CAMTA1: variants seen among roughly 807,000 people sequenced by gnomAD.
CAMTA1 encodes calmodulin binding transcription activator 1, also known as calmodulin-binding transcription activator 1.
A neutral mutation model predicts 170.9 loss-of-function variants in CAMTA1; 27 were observed. The ratio of observed to expected loss-of-function variants is 0.16; its 90% confidence interval spans 0.12 to 0.22. CAMTA1 has a LOEUF of 0.22. Ranked by LOEUF, CAMTA1 falls within the 10% of genes least tolerant of loss-of-function variation. The pLI, the probability that CAMTA1 is intolerant of heterozygous loss-of-function variation, is 1.00. For missense variants in CAMTA1, 1,619 were observed against 2,217.2 expected, an observed-to-expected ratio of 0.73 and a Z score of 5.42; for synonymous variants, 833 against 891.5, an observed-to-expected ratio of 0.93 and a Z score of 1.17.
At chr1:7,739,693 C>G (rs2096797014) in intron 16 of CAMTA1, among the ~76,000 whole-genome samples, 1 of 152,172 alleles carries the variant, frequency 6.6e-6, no homozygotes, top group Admixed American at 6.5e-5. Flanking sequence ...ATCTCAAGAG[C>G]CTTCTTCACT....
At chr1:7,551,962 T>C (rs1435603922) in intron 6 of CAMTA1, among the ~76,000 whole-genome samples, 1 of 151,630 alleles carries the variant, frequency 6.6e-6, no homozygotes, top group East Asian at 1.9e-4. Context: ...GGATATGCAC[T>C]TTTTAAAATC....
intron 3 of CAMTA1, among the ~76,000 whole-genome samples, chr1:6,936,760 A>AGGT (rs1218383108): frequency 6.6e-6 from 1 of 152,138 alleles, no homozygotes; most frequent in African/African-American, 2.4e-5. Flanking sequence ...AGGCCGAGGC[A>AGGT]GGTGGATCAC....
At position 7,634,250 on chromosome 1, in the gene CAMTA1, A is replaced by C. The variant is rs975206079; in HGVS notation, c.511-6150A>C. Among the ~76,000 whole-genome samples, 61 of 151,956 alleles carry C rather than the reference A, an allele frequency of 4.0e-4. 1 individual carries two copies. The highest frequency in any genetic ancestry group is 9.8e-4 in the Admixed American group (15 of 15,276). ...TCATTGCAGGCAGGGGGTATATGGG[A>C]GGATTAGGCTTCCTGGGGTGGGAGA... On this transcript the variant is annotated intron_variant, in intron 6 of 22. Coordinates refer to ENST00000303635, the MANE Select transcript of CAMTA1 (RefSeq NM_015215.4). This position sits in a 1 kb window ranked among gnomAD's most constrained non-coding sequence, Gnocchi z 6.2.
At chr1:7,217,534 T>C (rs560635728) in intron 4 of CAMTA1, among the ~76,000 whole-genome samples, 1 of 152,302 alleles carries the variant, frequency 6.6e-6, no homozygotes, top group African/African-American at 2.4e-5. Flanking sequence ...CCAATATGTA[T>C]AATATCTTAT....
intron 6 of CAMTA1, among the ~76,000 whole-genome samples, chr1:7,477,915 C>T (rs534071422): frequency 2.6e-4 from 40 of 152,334 alleles, no homozygotes; most frequent in Middle Eastern, 3.4e-3. Flanking sequence ...CTCCTGGCCA[C>T]CTATGTGGGA....
chr1:6,956,456 T>C (rs1689476673), intron 3 of CAMTA1, among the ~76,000 whole-genome samples: 1 of 152,198 alleles, frequency 6.6e-6, no homozygotes, highest in Admixed American at 6.5e-5. Flanking sequence ...CTCTCTTGTT[T>C]ACCATTTGCT....
intron 5 of CAMTA1, among the ~76,000 whole-genome samples, chr1:7,347,545 G>C (rs562462545): frequency 6.7e-4 from 102 of 152,294 alleles, no homozygotes; most frequent in African/African-American, 2.4e-3. Flanking sequence ...CACTTGTATT[G>C]GTTTCCATAG....
At chr1:6,910,264 C>G (rs542090629) in intron 3 of CAMTA1, among the ~76,000 whole-genome samples, 1 of 152,200 alleles carries the variant, frequency 6.6e-6, no homozygotes, top group Non-Finnish European at 1.5e-5. Context: ...ATTCCAAAGC[C>G]TTCATGGGCT....
chr1:7,263,911 A>T lies in CAMTA1; in HGVS notation c.438+14285A>T, dbSNP rs7556024. On this transcript the variant is annotated intron_variant, in intron 5 of 22. Coordinates refer to ENST00000303635, the MANE Select transcript of CAMTA1 (RefSeq NM_015215.4). ...CATTTTGCTTAATTATACTTTCTTG[A>T]ATTTTTAATGCTCCTAATATGATAA... Among the ~76,000 whole-genome samples, 2 of 152,188 alleles carry T rather than the reference A, an allele frequency of 1.3e-5. 1 individual carries two copies.
intron 7 of CAMTA1, among the ~76,000 whole-genome samples, chr1:7,644,887 T>C (rs899601548): frequency 1.3e-5 from 2 of 152,232 alleles, no homozygotes; most frequent in Admixed American, 1.3e-4. Flanking sequence ...GGTGCCCCTG[T>C]GGGCTTCAGC....
intron 3 of CAMTA1, among the ~76,000 whole-genome samples, chr1:7,028,589 C>G (rs1329974790): frequency 2.0e-5 from 3 of 152,210 alleles, no homozygotes; most frequent in Non-Finnish European, 2.9e-5. Context: ...TGATGTTTCT[C>G]TGATCATCAT....
At chr1:6,955,080 T>G (rs1327225477) in intron 3 of CAMTA1, among the ~76,000 whole-genome samples, 1 of 152,048 alleles carries the variant, frequency 6.6e-6, no homozygotes, top group Non-Finnish European at 1.5e-5. Flanking sequence ...GTCTTCCACT[T>G]TCATTAGCCA....
rs1409521566 is a variant in CAMTA1, at chr1:7,744,972, G to A, written c.4320G>A (p.Leu1440=). The stretch of plus-strand genomic sequence containing the variant: ...CCATTAGCAGTACAATGAGCTGGCT[G>A]GCCAGTTATCTAGCGGATGCTGACT... ...PATISSTMSW[L]ASYLADADCL... is the part of the protein sequence containing the mutation. The change falls in exon 17 of 23, where the codon CTG becomes CTA. Residue 1440 remains leucine, a synonymous_variant. Coordinates refer to ENST00000303635, the MANE Select transcript of CAMTA1 (RefSeq NM_015215.4). 1.2e-6 allele frequency: 2 copies of A among 1,614,016 alleles called. No homozygotes were observed. The highest frequency in any genetic ancestry group is 2.7e-5 in the African/African-American group (2 of 74,926).
chr1:7,666,383 T>C (rs1252795780), intron 9 of CAMTA1, among the ~76,000 whole-genome samples: 1 of 152,106 alleles, frequency 6.6e-6, no homozygotes, highest in East Asian at 1.9e-4. Flanking sequence ...GATTCCAACG[T>C]GCACCCTCCC....
intron 17 of CAMTA1, among the ~76,000 whole-genome samples, chr1:7,745,541 AAGAG>A (rs911887419): frequency 2.6e-5 from 4 of 152,202 alleles, no homozygotes; most frequent in African/African-American, 9.6e-5. Flanking sequence ...AAAGAAAAAA[AAGAG>A]AGATAATGTA....
intron 3 of CAMTA1, among the ~76,000 whole-genome samples, chr1:7,080,266 A>G (rs904817714): frequency 1.3e-5 from 2 of 151,842 alleles, no homozygotes; most frequent in Non-Finnish European, 2.9e-5. Flanking sequence ...TCTAAAAGAA[A>G]TGTTTTTTTA....
At chr1:7,553,090 T>C (rs1029672408) in intron 6 of CAMTA1, among the ~76,000 whole-genome samples, 6 of 152,154 alleles carry the variant, frequency 3.9e-5, no homozygotes, top group African/African-American at 1.4e-4. Flanking sequence ...CTGGCACACA[T>C]GAAGTACCTT....
In CAMTA1 at chr1:7,664,876, A is replaced by G; in HGVS notation, c.2329A>G (p.Ile777Val). The G allele has an allele frequency of 6.2e-7, 1 of 1,613,342 alleles. No homozygotes were observed. Among genetic ancestry groups the G allele is most frequent in the Non-Finnish European group, 8.5e-7 (1 of 1,180,016 alleles). ...ISFSNQFSDL[I>V]NDFISVEGGS... ...CTTCAGCAACCAGTTCTCCGACCTG[A>G]TCAACGACTTCATCTCCGTGGAGGG... is the stretch of plus-strand genomic sequence containing the variant. Residue 777 changes from isoleucine (I) to valine (V), a missense_variant, in exon 9 of 23, where the codon ATC (isoleucine) becomes GTC (valine). Transcript: ENST00000303635.
chr1:7,354,046 A>G (rs1312308802), intron 5 of CAMTA1, among the ~76,000 whole-genome samples: 2 of 151,944 alleles, frequency 1.3e-5, no homozygotes, highest in Non-Finnish European at 2.9e-5. Flanking sequence ...GCTTAGGATT[A>G]TGGCCTCCAG....
Sources: gnomAD v4.1 joint callset for allele counts (sites outside exome capture counted in the v4.1 genomes callset) on GRCh38, gnomAD v4.1.1 for gene constraint, Gnocchi (gnomAD v3.1) non-coding constraint, MANE v1.5 for transcripts, NCBI Gene and HGNC (gene_info 2026-07-23, HGNC 2026-07-21) for gene names.